The following TEX15 variants were observed in gnomAD, a reference collection of about 807,000 sequenced individuals.
TEX15 encodes the protein testis expressed 15, meiosis and synapsis associated, also known as testis-expressed protein 15.
Under a neutral mutation model 237.3 loss-of-function variants are expected in TEX15, and 171 were observed. The observed-to-expected ratio is 0.72, with a 90% CI of 0.64 to 0.82. The LOEUF is 0.82. Among genes scored for constraint, TEX15 ranks in the 40% least tolerant of loss-of-function variants. The pLI, the probability that TEX15 is intolerant of heterozygous loss-of-function variation, is 0.00. For synonymous variants in TEX15, 1,338 were observed against 1,269.8 expected (o/e 1.05, Z -1.14); for missense variants, 3,750 against 3,646.5 (o/e 1.03, Z -0.73).
chr8:30,833,968 A>T (rs1807237633), intron 10 of TEX15, among the ~76,000 whole-genome samples: 2 of 152,180 alleles, frequency 1.3e-5, no homozygotes, highest in African/African-American at 4.8e-5. Flanking sequence ...AACTATTAAG[A>T]ACAAAAGAAA....
At chr8:30,855,021 T>C (rs963463868) in intron 7 of TEX15, among the ~76,000 whole-genome samples, 1 of 152,158 alleles carries the variant, frequency 6.6e-6, no homozygotes, top group Non-Finnish European at 1.5e-5. Flanking sequence ...TCATACTTCC[T>C]GGTAAAAGAC....
intron 8 of TEX15, 72 bp from the exon 9 acceptor site, chr8:30,840,036 A>T: frequency 6.8e-6 from 6 of 879,530 alleles, no homozygotes; most frequent in Non-Finnish European, 9.9e-6. Flanking sequence ...TATTATTTCA[A>T]TATTAGATAT....
chr8:30,875,391 TCTGA>T (rs1172104709), intron 3 of TEX15, among the ~76,000 whole-genome samples: 1 of 152,210 alleles, frequency 6.6e-6, no homozygotes, highest in Non-Finnish European at 1.5e-5. Context: ...ATGTTGCAAC[TCTGA>T]CTGTACAATG....
At chr8:30,851,918 A>T (rs891736487) in intron 7 of TEX15, among the ~76,000 whole-genome samples, 1 of 152,072 alleles carries the variant, frequency 6.6e-6, no homozygotes, top group Non-Finnish European at 1.5e-5. Context: ...TGGGTGACAG[A>T]GCAAGACCCC....
At chr8:30,856,012 C>T (rs1192347037) in intron 7 of TEX15, among the ~76,000 whole-genome samples, 2 of 152,070 alleles carry the variant, frequency 1.3e-5, no homozygotes, top group African/African-American at 2.4e-5. Flanking sequence ...GTGGTGCCAT[C>T]TCGGCTCACT....
At chr8:30,900,855 T>G (rs1229369746) in intron 1 of TEX15, among the ~76,000 whole-genome samples, 2 of 152,202 alleles carry the variant, frequency 1.3e-5, no homozygotes, top group Admixed American at 6.5e-5. Context: ...ATGGGTGATA[T>G]TCCATGAAAA....
At position 30,837,786 on chromosome 8, in the gene TEX15, T is replaced by C. The variant is rs200419082; in HGVS notation, c.8498A>G (p.Asp2833Gly). The change falls in exon 10 of 11, where the codon GAT (aspartate) becomes GGT (glycine). Residue 2833 changes from aspartate (D) to glycine (G), a missense_variant. Transcript: ENST00000643185. ...VNFSAAETKSDKKDCAAFAIC... is the reference protein window; with the variant it reads ...VNFSAAETKSGKKDCAAFAIC... ...TGCAAAAGCAGCACAATCTTTCTTA[T>C]CACTTTTTGTTTCAGCAGCACTGAA... 4.2e-5 allele frequency: 68 copies of C among 1,614,080 alleles called. No individual in the cohort carries two copies. The highest frequency in any genetic ancestry group is 6.7e-5 in the African/African-American group (5 of 74,928).
Position 30,880,065 on chromosome 8 carries a change from G to A in TEX15, c.137-4963C>T, listed in dbSNP as rs140230380. On this transcript the variant is annotated intron_variant, in intron 3 of 10. Transcript: ENST00000643185. ...TTACTTTGAGGTGGAATCTTGCTCTGTCACCCAGGCTGGAATGCAGTGGCG... is the reference window on the plus strand; with the variant it reads ...TTACTTTGAGGTGGAATCTTGCTCTATCACCCAGGCTGGAATGCAGTGGCG... Among the ~76,000 whole-genome samples, 901 of 152,128 alleles carry A rather than the reference G, an allele frequency of 5.9e-3. 9 individuals carry two copies. The highest frequency in any genetic ancestry group is 0.02 in the African/African-American group (833 of 41,476).
chr8:30,844,775 C>T lies in TEX15; in HGVS notation c.5392G>A (p.Gly1798Arg), dbSNP rs767620372. Reference sequence around the variant, plus strand: ...CCATAACTTTTATCTTCTTCAGTTCCTGATGCTACATCCAACTCATAATTC... The same window carrying T: ...CCATAACTTTTATCTTCTTCAGTTCTTGATGCTACATCCAACTCATAATTC... ...TENYELDVASGTEEDKSYGEN... is the reference protein window; with the variant it reads ...TENYELDVASRTEEDKSYGEN... The change falls in exon 8 of 11, where the codon GGA becomes AGA. Residue 1798 changes from glycine (G) to arginine (R), a missense_variant. Physicochemically the swap from Gly to Arg is moderately radical, Grantham distance 125 (BLOSUM62 -2). Transcript: ENST00000643185. The T allele has an allele frequency of 2.3e-5, 37 of 1,613,410 alleles. No homozygotes were observed. In the Middle Eastern group the frequency reaches 6.6e-4, roughly 29 times the overall value.
intron 3 of TEX15, among the ~76,000 whole-genome samples, chr8:30,878,558 A>T (rs1471122639): frequency 1.3e-5 from 2 of 151,136 alleles, no homozygotes; most frequent in Non-Finnish European, 2.9e-5. Flanking sequence ...TAATTTTTCT[A>T]TTTTTTTTAG....
chr8:30,836,205 GTT>G (rs33984716), intron 10 of TEX15, among the ~76,000 whole-genome samples: 3 of 43,264 alleles, frequency 6.9e-5, no homozygotes, highest in Non-Finnish European at 1.2e-4. Context: ...TCACTGTATC[GTT>G]TTTTTTTTTT....
Position 30,845,961 on chromosome 8 carries a change from A to C in TEX15, c.4206T>G (p.Thr1402=), listed in dbSNP as rs755753346. ...RRVHTSLQLI[T]KVGEERKGPL... ...GGCCCTTTCTTTCTTCTCCTACTTT[A>C]GTTATAAGCTGCAAAGATGTGTGAA... The change falls in exon 8 of 11, where the codon ACT becomes ACG. Residue 1402 remains threonine (T), a synonymous_variant. Transcript: ENST00000643185. 9 of 1,612,664 alleles carry C rather than the reference A, an allele frequency of 5.6e-6. No individual in the cohort carries two copies. The highest frequency in any genetic ancestry group is 1.3e-5 in the African/African-American group (1 of 74,714).
chr8:30,846,467 TACTC>T lies in TEX15; in HGVS notation c.3696_3699del (p.Ser1233ThrfsTer10). 1.9e-6 allele frequency: 3 copies of T among 1,613,438 alleles called. No homozygotes were observed. The highest frequency in any genetic ancestry group is 2.5e-6 in the Non-Finnish European group (3 of 1,179,746). ...TCAAAAGAAAGGGAGATTTCAGAGTTACTCACTGGCCCTGATTCTTGCCTTATAT... is the reference window on the plus strand; with the variant it reads ...TCAAAAGAAAGGGAGATTTCAGAGTTACTGGCCCTGATTCTTGCCTTATAT... On this transcript the variant is annotated frameshift_variant, in exon 8 of 11. Coordinates refer to ENST00000643185, the MANE Select transcript of TEX15 (RefSeq NM_001350162.2). LOFTEE classifies it high-confidence loss of function.
In TEX15 at chr8:30,833,207, C is replaced by G. The variant is rs1807218765; in HGVS notation, c.*79G>C. 6 of 946,750 alleles carry G rather than the reference C, an allele frequency of 6.3e-6. No individual in the cohort carries two copies. The highest frequency in any genetic ancestry group is 9.5e-6 in the Non-Finnish European group (6 of 633,470). 58.6% of individuals were successfully genotyped at this position (946,750 alleles called of 1,614,324 possible). On this transcript the variant is annotated 3_prime_UTR_variant, in exon 11 of 11. Coordinates refer to ENST00000643185, the MANE Select transcript of TEX15 (RefSeq NM_001350162.2). ...CCACATTTACAAACATTAAAAATCG[C>G]TAAATGTTAAAAAATATATAAGTAA...
In TEX15 at chr8:30,844,974, T is replaced by C. The variant is rs1425566214; in HGVS notation, c.5193A>G (p.Glu1731=). ...SAAAVTDSEG[E]SSKSYLDKQR... ...GCTTATCCAAGTAAGATTTTGAAGA[T>C]TCTCCCTCACTATCTGTCACTGCAG... The change falls in exon 8 of 11, where the codon GAA becomes GAG. Residue 1731 remains glutamate, a synonymous_variant. Transcript: ENST00000643185. 6.2e-7 allele frequency: 1 copy of C among 1,613,608 alleles called. No homozygotes were observed.
chr8:30,898,575 C>A (rs1484387707), intron 2 of TEX15, among the ~76,000 whole-genome samples, 167 bp downstream of exon 2: 1 of 152,060 alleles, frequency 6.6e-6, no homozygotes. Context: ...CTATTATCAT[C>A]AAGAATAAAT....
At chr8:30,888,070 T>C (rs2128776246) in intron 2 of TEX15, among the ~76,000 whole-genome samples, 1 of 151,516 alleles carries the variant, frequency 6.6e-6, no homozygotes, top group South Asian at 2.1e-4. Context: ...TCTTACCAAA[T>C]ACTCCATTTT....
intron 3 of TEX15, among the ~76,000 whole-genome samples, chr8:30,883,097 A>G (rs147269491): frequency 1.3e-5 from 2 of 151,856 alleles, no homozygotes; most frequent in South Asian, 2.1e-4. Flanking sequence ...TTTAATGTCA[A>G]TTTTATTTTT....
chr8:30,848,658 A>C lies in TEX15; in HGVS notation c.1509T>G (p.Val503=). ...TGTGAGCCCAAGATTGTGAATCATTAACAGAAGTTTTAAAGCAAGGGGTAT... is the reference window on the plus strand; with the variant it reads ...TGTGAGCCCAAGATTGTGAATCATTCACAGAAGTTTTAAAGCAAGGGGTAT... ...GLDTPCFKTS[V]NDSQSWAHNM... The change falls in exon 8 of 11, where the codon GTT becomes GTG. Residue 503 remains valine, a synonymous_variant. Transcript: ENST00000643185. The C allele has an allele frequency of 6.2e-7, 1 of 1,614,208 alleles. No homozygotes were observed. Among genetic ancestry groups the C allele is most frequent in the South Asian group, 1.1e-5 (1 of 91,088 alleles).
Sources: gnomAD v4.1 joint callset for allele counts (sites outside exome capture counted in the v4.1 genomes callset) on GRCh38, gnomAD v4.1.1 for gene constraint, MANE v1.5 for transcripts, NCBI Gene and HGNC (gene_info 2026-07-23, HGNC 2026-07-21) for gene names.